RAP1A: variants seen among roughly 807,000 people sequenced by gnomAD.
RAP1A encodes the protein ras-related protein Rap-1A.
In RAP1A, 6 loss-of-function variants were observed where a neutral mutation model predicts 26.4. The observed-to-expected ratio is 0.23, with a 90% CI of 0.12 to 0.45. RAP1A has a LOEUF of 0.45. RAP1A is among the 20% of genes least tolerant of loss of function. The pLI is 0.99. For missense variants in RAP1A, 121 were observed against 217.2 expected (o/e 0.56, Z 2.78); for synonymous variants, 73 against 79.4 (o/e 0.92, Z 0.43).
chr1:111,613,388 A>C (rs1038285756), intron 1 of RAP1A, among the ~76,000 whole-genome samples: 2 of 151,764 alleles, frequency 1.3e-5, no homozygotes, highest in Non-Finnish European at 2.9e-5. Flanking sequence ...TTTAGTAGAG[A>C]CGGGGTTTCA....
chr1:111,701,956 A>C (rs1346382363), intron 4 of RAP1A, among the ~76,000 whole-genome samples: 2 of 152,246 alleles, frequency 1.3e-5, no homozygotes, highest in Non-Finnish European at 2.9e-5. Context: ...CCCAGAAAAT[A>C]CACTGGCAGC....
intron 1 of RAP1A, among the ~76,000 whole-genome samples, chr1:111,640,557 A>G (rs1238925041): frequency 6.6e-6 from 1 of 152,242 alleles, no homozygotes; most frequent in Non-Finnish European, 1.5e-5. Context: ...TTTTTCAGGA[A>G]AGTATTAAAT....
intron 1 of RAP1A, among the ~76,000 whole-genome samples, chr1:111,659,446 T>C (rs1318055147): frequency 6.6e-6 from 1 of 151,958 alleles, no homozygotes; most frequent in Non-Finnish European, 1.5e-5. Flanking sequence ...TATTTATATT[T>C]AAAGTGGGTT....
At chr1:111,659,664 T>C (rs748767689) in intron 1 of RAP1A, among the ~76,000 whole-genome samples, 2 of 152,154 alleles carry the variant, frequency 1.3e-5, no homozygotes, top group African/African-American at 4.8e-5. Flanking sequence ...GTTACTGTTT[T>C]CTATTCATTG....
chr1:111,596,778 G>A lies in RAP1A; in HGVS notation c.-28+54269G>A, dbSNP rs975748635. On this transcript the variant is annotated intron_variant, in intron 1 of 7. Coordinates refer to the RAP1A transcript ENST00000356415. Reference sequence around the variant, plus strand: ...AGAAGGGGTGAGGAAACTCACCAGAGTCCTTTTTATAACAGCATAGCACTA... The same window carrying A: ...AGAAGGGGTGAGGAAACTCACCAGAATCCTTTTTATAACAGCATAGCACTA... 6.6e-5 allele frequency among the ~76,000 whole-genome samples: 10 copies of A among 152,178 alleles called. No homozygotes were observed. In the East Asian group the frequency reaches 1.7e-3, roughly 26 times the overall value.
intron 1 of RAP1A, among the ~76,000 whole-genome samples, chr1:111,599,095 C>T (rs1425336399): frequency 6.6e-6 from 1 of 152,206 alleles, no homozygotes; most frequent in Non-Finnish European, 1.5e-5. Flanking sequence ...CTCTAGGAGC[C>T]TCCAGATATT....
chr1:111,699,803 C>T (rs766885939), intron 4 of RAP1A, among the ~76,000 whole-genome samples: 4 of 151,992 alleles, frequency 2.6e-5, no homozygotes, highest in Non-Finnish European at 5.9e-5. Flanking sequence ...AACTTCGTTA[C>T]AACCTGTAGT....
chr1:111,557,091 A>C (rs1422250373), intron 1 of RAP1A, among the ~76,000 whole-genome samples: 1 of 152,128 alleles, frequency 6.6e-6, no homozygotes, highest in Admixed American at 6.5e-5. Flanking sequence ...AGATCTACAA[A>C]GAGAAATGTT....
At chr1:111,602,274 A>C (rs1658687074) in intron 1 of RAP1A, 1 of 152,208 alleles carries the variant, frequency 6.6e-6, no homozygotes. Context: ...GGATAACAGG[A>C]AAGAAAGAGG....
At chr1:111,616,033 C>T (rs983287615), upstream of RAP1A, among the ~76,000 whole-genome samples, 2 of 152,034 alleles carry the variant, frequency 1.3e-5, no homozygotes, top group East Asian at 1.9e-4. Context: ...AAGGAGGCTT[C>T]GGTTTGGCAG....
intron 1 of RAP1A, among the ~76,000 whole-genome samples, chr1:111,566,797 C>T (rs1043037999): frequency 6.6e-6 from 1 of 151,756 alleles, no homozygotes; most frequent in East Asian, 1.9e-4. Flanking sequence ...TAGAGTCACA[C>T]TCCATCTCAG....
At chr1:111,656,155 A>G (rs985584877) in intron 1 of RAP1A, among the ~76,000 whole-genome samples, 2 of 151,550 alleles carry the variant, frequency 1.3e-5, no homozygotes, top group Non-Finnish European at 2.9e-5. Flanking sequence ...ATTACTGTAC[A>G]TTTATTGCAA....
At chr1:111,689,555 C>T (rs1661604078) in intron 1 of RAP1A, among the ~76,000 whole-genome samples, 1 of 151,970 alleles carries the variant, frequency 6.6e-6, no homozygotes, top group African/African-American at 2.4e-5. Context: ...TTTTCTTCCT[C>T]ATTTTTTTCT....
intron 1 of RAP1A, among the ~76,000 whole-genome samples, chr1:111,587,012 G>T (rs1658378638): frequency 6.6e-6 from 1 of 152,022 alleles, no homozygotes; most frequent in Non-Finnish European, 1.5e-5. Flanking sequence ...TAACACAAGA[G>T]CTTACATTTC....
intron 1 of RAP1A, among the ~76,000 whole-genome samples, chr1:111,683,836 A>T (rs1661381286): frequency 6.6e-6 from 1 of 152,194 alleles, no homozygotes; most frequent in Admixed American, 6.5e-5. Flanking sequence ...CCTGATACCC[A>T]AACCTGGCAG....
chr1:111,682,696 C>G (rs1020727670), intron 1 of RAP1A, among the ~76,000 whole-genome samples: 1 of 152,116 alleles, frequency 6.6e-6, no homozygotes, highest in Non-Finnish European at 1.5e-5. Flanking sequence ...TAGAGACCTG[C>G]AAAGAGACTT....
intron 1 of RAP1A, among the ~76,000 whole-genome samples, chr1:111,677,296 G>A (rs1265839345): frequency 1.3e-5 from 2 of 152,002 alleles, no homozygotes; most frequent in Non-Finnish European, 2.9e-5. Flanking sequence ...GTAGATTTTT[G>A]GCTATTACAA....
Position 111,712,532 on chromosome 1 carries a change from G to GA in RAP1A, c.*133dup, listed in dbSNP as rs1222746050. On this transcript the variant is annotated 3_prime_UTR_variant, in exon 8 of 8. Coordinates refer to ENST00000369709, the MANE Select transcript of RAP1A (RefSeq NM_002884.4). ...GCTTCTCCTGTTTTATATATTATGT[G>GA]AAGAATTTAGATCTTATATTGGTTT... 2 of 152,448 alleles carry GA rather than the reference G, an allele frequency of 1.3e-5. No individual in the cohort carries two copies. Among genetic ancestry groups the GA allele is most frequent in the Non-Finnish European group, 2.9e-5 (2 of 67,920 alleles). 9.4% of individuals were successfully genotyped at this position (152,448 alleles called of 1,614,324 possible). A position where few individuals can be genotyped will look rare whatever the true frequency, so the allele number is the denominator to read the frequency against.
intron 1 of RAP1A, among the ~76,000 whole-genome samples, chr1:111,595,726 G>A (rs893504575): frequency 6.6e-6 from 1 of 152,222 alleles, no homozygotes; most frequent in African/African-American, 2.4e-5. Context: ...GATGGGCAGA[G>A]TTGGCTATGG....
Sources: allele counts gnomAD v4.1 joint callset (sites outside exome capture counted in the v4.1 genomes callset), GRCh38; gene constraint gnomAD v4.1.1; transcripts MANE v1.5; gene names NCBI Gene and HGNC (gene_info 2026-07-23, HGNC 2026-07-21).